The following RAB38 variants were observed in gnomAD, a reference collection of about 807,000 sequenced individuals.
RAB38 encodes the protein ras-related protein Rab-38.
Under a neutral mutation model 18.4 loss-of-function variants are expected in RAB38, and 15 were observed. The ratio of observed to expected loss-of-function variants is 0.82; its 90% CI spans 0.55 to 1.26. RAB38 has a LOEUF of 1.26. RAB38 is among the 50% of genes most tolerant of loss of function. The pLI is 0.00. For synonymous variants in RAB38, 101 were observed against 104.4 expected (o/e 0.97, Z 0.20); for missense variants, 294 against 267.4 (o/e 1.10, Z -0.69).
At chr11:88,154,451 T>C (rs1241716660) in intron 1 of RAB38, among the ~76,000 whole-genome samples, 1 of 152,130 alleles carries the variant, frequency 6.6e-6, no homozygotes, top group Non-Finnish European at 1.5e-5. Flanking sequence ...CAGTAATACT[T>C]GTAGCTAGGG....
At chr11:87,837,865 C>T in the RAB38 span, among the ~76,000 whole-genome samples, 1 of 152,094 alleles carries the variant, frequency 6.6e-6, no homozygotes, top group East Asian at 1.9e-4. Flanking sequence ...AAATATTAAA[C>T]ATATATATAA....
the RAB38 span, among the ~76,000 whole-genome samples, chr11:88,062,584 G>A: frequency 6.6e-6 from 1 of 152,162 alleles, no homozygotes. Context: ...CTCATGAAAG[G>A]TAGCACTTGT....
the RAB38 span, among the ~76,000 whole-genome samples, chr11:87,841,101 GTTAATA>G: frequency 6.6e-3 from 1,003 of 152,198 alleles, 11 homozygotes; most frequent in African/African-American, 0.023. Context: ...GACTAAATGA[GTTAATA>G]TTAAGTATTT....
At chr11:87,832,655 C>T in the RAB38 span, among the ~76,000 whole-genome samples, 1 of 152,184 alleles carries the variant, frequency 6.6e-6, no homozygotes, top group Non-Finnish European at 1.5e-5. Context: ...AAATCCTTCT[C>T]ACACTTGGAA....
chr11:87,917,582 C>G, the RAB38 span, among the ~76,000 whole-genome samples: 11 of 127,948 alleles, frequency 8.6e-5, no homozygotes, highest in East Asian at 2.7e-3. Context: ...CATATTTATT[C>G]CAGGCCAGGT....
At chr11:88,018,986 T>G in the RAB38 span, among the ~76,000 whole-genome samples, 14 of 152,150 alleles carry the variant, frequency 9.2e-5, no homozygotes, top group Non-Finnish European at 1.9e-4. Context: ...GACATTTCAT[T>G]TTTTTCCATT....
chr11:88,110,104 AC>A, downstream of RAB38, among the ~76,000 whole-genome samples: 1 of 152,326 alleles, frequency 6.6e-6, no homozygotes, highest in Non-Finnish European at 1.5e-5. Context: ...AATAGCAAAG[AC>A]TTGGAACCAA....
the RAB38 span, among the ~76,000 whole-genome samples, chr11:88,098,941 C>A: frequency 6.7e-6 from 1 of 150,368 alleles, no homozygotes; most frequent in Non-Finnish European, 1.5e-5. Context: ...TTTTTGTTTT[C>A]TTTTTGTTGC....
chr11:88,087,594 GGGCTCTTGGCAACTGTATT>G, the RAB38 span, among the ~76,000 whole-genome samples: 2 of 151,920 alleles, frequency 1.3e-5, no homozygotes, highest in Non-Finnish European at 2.9e-5. Flanking sequence ...AGGAACATAT[GGGCTCTTGGCAACTGTATT>G]GGCTCTTGGT....
At chr11:88,094,574 C>T in the RAB38 span, among the ~76,000 whole-genome samples, 1 of 151,896 alleles carries the variant, frequency 6.6e-6, no homozygotes, top group Admixed American at 6.6e-5. Context: ...ACTTAACTCT[C>T]TTGTCAAACA....
chr11:88,151,764 G>A (rs1357126316), intron 1 of RAB38, among the ~76,000 whole-genome samples: 2 of 152,146 alleles, frequency 1.3e-5, no homozygotes, highest in Non-Finnish European at 2.9e-5. Flanking sequence ...TATTTACATT[G>A]GTAGTAGCAT....
At chr11:88,075,828 C>T in the RAB38 span, among the ~76,000 whole-genome samples, 2 of 151,146 alleles carry the variant, frequency 1.3e-5, no homozygotes, top group East Asian at 1.9e-4. Flanking sequence ...TTGCAGTGAG[C>T]CAAGATTTCA....
intron 2 of RAB38, among the ~76,000 whole-genome samples, chr11:88,142,835 G>T (rs1056872937): frequency 6.6e-6 from 1 of 152,186 alleles, no homozygotes; most frequent in Non-Finnish European, 1.5e-5. Flanking sequence ...AAGTATATGT[G>T]AGAAAAGGCC....
At chr11:87,856,874 A>T in the RAB38 span, among the ~76,000 whole-genome samples, 29,845 of 151,736 alleles carry the variant, frequency 0.2, 3,718 homozygotes, top group African/African-American at 0.34. Flanking sequence ...CTTTTTTTTA[A>T]AAATTATACT....
At chr11:88,101,475 TA>T in the RAB38 span, among the ~76,000 whole-genome samples, 1 of 151,810 alleles carries the variant, frequency 6.6e-6, no homozygotes, top group African/African-American at 2.4e-5. Flanking sequence ...TTACGCTGTA[TA>T]AAAATATTTG....
chr11:88,090,815 G>A, the RAB38 span, among the ~76,000 whole-genome samples: 1 of 151,844 alleles, frequency 6.6e-6, no homozygotes, highest in African/African-American at 2.4e-5. Flanking sequence ...CACACCAAAT[G>A]CCAAAATGCT....
the RAB38 span, among the ~76,000 whole-genome samples, chr11:87,955,827 C>T: frequency 1.3e-5 from 2 of 151,516 alleles, no homozygotes; most frequent in Non-Finnish European, 2.9e-5. Flanking sequence ...TGCCTCATAA[C>T]TCATTAGTGA....
At chr11:88,072,993 G>T in the RAB38 span, among the ~76,000 whole-genome samples, 7 of 152,020 alleles carry the variant, frequency 4.6e-5, no homozygotes, top group South Asian at 2.1e-4. Flanking sequence ...AAGAGAATTG[G>T]GCTTGTATAT....
At chr11:88,038,171 C>T in the RAB38 span, among the ~76,000 whole-genome samples, 4 of 152,120 alleles carry the variant, frequency 2.6e-5, no homozygotes, top group Non-Finnish European at 5.9e-5. Context: ...AGATATTTCC[C>T]TGCAAAAACC....
Sources: gnomAD v4.1 joint callset for allele counts (sites outside exome capture counted in the v4.1 genomes callset) on GRCh38, gnomAD v4.1.1 for gene constraint, MANE v1.5 for transcripts, NCBI Gene and HGNC (gene_info 2026-07-23, HGNC 2026-07-21) for gene names.